The following CHD6 variants were observed in gnomAD, a reference collection of about 807,000 sequenced individuals.
CHD6 encodes chromodomain helicase DNA binding protein 6.
In CHD6, 50 loss-of-function variants were observed where a neutral mutation model predicts 276.9. The ratio of observed to expected loss-of-function variants is 0.18; its 90% confidence interval spans 0.14 to 0.23. The LOEUF is 0.23. CHD6 is among the 10% of genes least tolerant of loss of function. CHD6 has a pLI of 1.00. For missense variants in CHD6, 2,564 were observed against 3,365.8 expected (o/e 0.76, Z 5.89); for synonymous variants, 1,173 against 1,229.3 (o/e 0.95, Z 0.96).
Position 41,403,716 on chromosome 20 carries a change from A to G in CHD6, c.*877T>C, listed in dbSNP as rs572680914. On this transcript the variant is annotated 3_prime_UTR_variant, in exon 37 of 37. Coordinates refer to ENST00000373233, the MANE Select transcript of CHD6 (RefSeq NM_032221.5). ...AATCCATTCGGTCCTGGTGCTCTTT[A>G]AACACAGAGAGGCAAATTAATGGCT... is the stretch of plus-strand genomic sequence containing the variant. 2.3e-5 allele frequency: 24 copies of G among 1,057,182 alleles called. No homozygotes were observed. Among genetic ancestry groups the G allele is most frequent in the Admixed American group, 5.4e-5 (1 of 18,480 alleles). 65.5% of individuals were successfully genotyped at this position (1,057,182 alleles called of 1,614,324 possible).
chr20:41,553,631 T>C lies in CHD6; in HGVS notation c.-23-2271A>G, dbSNP rs1051213250. On this transcript the variant is annotated intron_variant, in intron 1 of 36. Transcript: ENST00000373233. ...GACACGGCAGTGAGGATGATCCAAA[T>C]GTGTAAGGGATAAATACATCTGCTT... is the stretch of plus-strand genomic sequence containing the variant. 2.0e-5 allele frequency among the ~76,000 whole-genome samples: 3 copies of C among 152,246 alleles called. No homozygotes were observed. The East Asian group carries it at 5.8e-4, about 29-fold the overall frequency.
At chr20:41,498,107 A>T in intron 7 of CHD6, 61 bp downstream of exon 7, 2 of 1,143,232 alleles carry the variant, frequency 1.7e-6, no homozygotes, top group Non-Finnish European at 1.3e-6. Context: ...TAAAGTCACA[A>T]GAGAAAAAAA....
rs145317149 is a variant in CHD6 at position 41,513,261 on chromosome 20, A to G, written c.703-266T>C. On this transcript the variant is annotated intron_variant, in intron 4 of 36. Coordinates refer to ENST00000373233, the MANE Select transcript of CHD6 (RefSeq NM_032221.5). Reference sequence around the variant, plus strand: ...GGGTAGTGTCTCATAGTCCAGTAAGATGTGTTTTGTTCATCAACGGTAGTG... The same window carrying G: ...GGGTAGTGTCTCATAGTCCAGTAAGGTGTGTTTTGTTCATCAACGGTAGTG... Among the ~76,000 whole-genome samples the G allele has an allele frequency of 3.9e-3, 589 of 152,282 alleles. 3 individuals are homozygous for G. The highest frequency in any genetic ancestry group is 5.9e-3 in the Non-Finnish European group (404 of 68,032).
At chr20:41,569,401 G>A (rs923602517) in intron 1 of CHD6, among the ~76,000 whole-genome samples, 4 of 152,134 alleles carry the variant, frequency 2.6e-5, no homozygotes, top group African/African-American at 9.7e-5. Context: ...TACTATATTA[G>A]CAAACCACTA....
intron 1 of CHD6, among the ~76,000 whole-genome samples, chr20:41,567,224 T>G (rs1601150033): frequency 6.6e-6 from 1 of 152,186 alleles, no homozygotes; most frequent in South Asian, 2.1e-4. Context: ...CTGAGGCTCC[T>G]GCCTGTAAAG....
intron 1 of CHD6, among the ~76,000 whole-genome samples, chr20:41,599,023 A>C (rs1250687867): frequency 6.6e-6 from 1 of 152,230 alleles, no homozygotes; most frequent in Non-Finnish European, 1.5e-5. Context: ...AATGAATTTA[A>C]AGCCCAAAAT....
intron 25 of CHD6, among the ~76,000 whole-genome samples, chr20:41,443,266 C>G (rs2047956178): frequency 1.3e-5 from 2 of 152,198 alleles, no homozygotes; most frequent in Admixed American, 6.5e-5. Flanking sequence ...TCTGGGCTGA[C>G]TCTATCTCCA....
chr20:41,562,689 A>G (rs1461085671), intron 1 of CHD6, among the ~76,000 whole-genome samples: 1 of 152,086 alleles, frequency 6.6e-6, no homozygotes, highest in East Asian at 1.9e-4. Context: ...TAAACTCAAG[A>G]CGACATGTCA....
chr20:41,440,027 G>C lies in CHD6; in HGVS notation c.3980C>G (p.Thr1327Arg), dbSNP rs200153887. The C allele has an allele frequency of 6.2e-7, 1 of 1,614,066 alleles. No individual in the cohort carries two copies. The highest frequency in any genetic ancestry group is 1.1e-5 in the South Asian group (1 of 91,080). Reference sequence around the variant, plus strand: ...TTCAGGAATGTCTGAGGTCCCATCTGTAACACCCTGTTCTGCAGAAAGGGA... The same window carrying C: ...TTCAGGAATGTCTGAGGTCCCATCTCTAACACCCTGTTCTGCAGAAAGGGA... ...EKSLSAEQGV[T>R]DGTSDIPERG... Residue 1327 changes from threonine to arginine, a missense_variant, in exon 26 of 37, where the codon ACA becomes AGA. Transcript: ENST00000373233.
chr20:41,461,292 G>A (rs2048540091), intron 17 of CHD6, among the ~76,000 whole-genome samples: 1 of 152,186 alleles, frequency 6.6e-6, no homozygotes, highest in Non-Finnish European at 1.5e-5. Flanking sequence ...GGGACTGTTG[G>A]GAAGGCATGA....
chr20:41,476,083 G>C (rs1359470947), intron 16 of CHD6, among the ~76,000 whole-genome samples: 2 of 152,072 alleles, frequency 1.3e-5, no homozygotes, highest in South Asian at 2.1e-4. Context: ...CTGTGTGAGA[G>C]TCTGGCATGA....
At chr20:41,437,220 T>G (rs1185673203) in intron 27 of CHD6, 54 bp downstream of exon 27, 4 of 1,347,110 alleles carry the variant, frequency 3.0e-6, no homozygotes, top group Non-Finnish European at 4.3e-6. Flanking sequence ...GATAGGGATT[T>G]CTTTCTTAAT....
intron 3 of CHD6, among the ~76,000 whole-genome samples, chr20:41,519,445 AT>A (rs1351273861): frequency 6.6e-6 from 1 of 152,164 alleles, no homozygotes; most frequent in East Asian, 1.9e-4. Context: ...TTATTACAAC[AT>A]TTTTTGGTAA....
At chr20:41,549,176 A>G (rs2146139123) in intron 2 of CHD6, among the ~76,000 whole-genome samples, 1 of 152,086 alleles carries the variant, frequency 6.6e-6, no homozygotes, top group Non-Finnish European at 1.5e-5. Context: ...TCATGCTGCT[A>G]TAAAGACACA....
Position 41,426,128 on chromosome 20 carries a change from C to T in CHD6, c.4094G>A (p.Gly1365Asp), listed in dbSNP as rs1486159010. Residue 1365 changes from glycine to aspartate, a missense_variant, in exon 28 of 37, where the codon GGC (glycine) becomes GAC (aspartate). Physicochemically the swap from Gly to Asp is moderately conservative, Grantham distance 94 (BLOSUM62 -1). Around this residue, in one of 7 missense-constraint regions of CHD6, gnomAD observed 515 missense variants for 739.5 expected, o/e 0.70. Coordinates refer to ENST00000373233, the MANE Select transcript of CHD6 (RefSeq NM_032221.5). The stretch of plus-strand genomic sequence containing the variant: ...GTCATCCTTCTTTTCGCTAAAAACG[C>T]CATCACCTCCATCACTGGAACTCTC... ...QTESSSDGGDGVFSEKKDDSR... is the reference protein window; with the variant it reads ...QTESSSDGGDDVFSEKKDDSR... The T allele has an allele frequency of 1.6e-5, 26 of 1,613,366 alleles. No homozygotes were observed. The highest frequency in any genetic ancestry group is 3.3e-5 in the Admixed American group (2 of 60,006).
intron 1 of CHD6, among the ~76,000 whole-genome samples, chr20:41,567,800 G>A (rs1291099333): frequency 6.6e-6 from 1 of 152,112 alleles, no homozygotes; most frequent in South Asian, 2.1e-4. Flanking sequence ...CAGACAAAAT[G>A]ACCTTGCTGG....
In CHD6 at chr20:41,438,013, G is replaced by A. The variant is rs540723824; in HGVS notation, c.4008-679C>T. ...TGCCCATCAAGAGTCATCTGAACAT[G>A]TGACTCTGATAAAAGAACACACTCT... On this transcript the variant is annotated intron_variant, in intron 26 of 36. Transcript: ENST00000373233. 2.0e-5 allele frequency among the ~76,000 whole-genome samples: 3 copies of A among 152,310 alleles called. No homozygotes were observed. The East Asian group carries it at 5.8e-4, about 29-fold the overall frequency.
intron 36 of CHD6, among the ~76,000 whole-genome samples, chr20:41,409,617 G>A (rs1046138576): frequency 2.0e-5 from 3 of 152,148 alleles, no homozygotes; most frequent in Admixed American, 1.3e-4. Flanking sequence ...ACGACAAAAT[G>A]CGACGTGTGG....
chr20:41,579,742 C>T (rs2045516177), intron 1 of CHD6, among the ~76,000 whole-genome samples: 1 of 152,170 alleles, frequency 6.6e-6, no homozygotes, highest in Non-Finnish European at 1.5e-5. Context: ...TTTCCAACCT[C>T]CTTACCCTTA....
Sources: allele counts gnomAD v4.1 joint callset (sites outside exome capture counted in the v4.1 genomes callset), GRCh38; gene constraint gnomAD v4.1.1; regional missense constraint gnomAD v4.1.1; transcripts MANE v1.5; gene names NCBI Gene and HGNC (gene_info 2026-07-23, HGNC 2026-07-21).